The following GRM5 variants were observed in gnomAD, a reference collection of about 807,000 sequenced individuals.
GRM5 encodes glutamate metabotropic receptor 5, also known as metabotropic glutamate receptor 5.
GRM5 carries 19 observed loss-of-function variants against 83.1 expected under a neutral mutation model. The ratio of observed to expected loss-of-function variants is 0.23; its 90% CI spans 0.16 to 0.34. The LOEUF (loss-of-function observed/expected upper bound fraction) is 0.34. GRM5 is among the 10% of genes least tolerant of loss of function. The probability of loss-of-function intolerance (pLI) is 1.00; values close to 1 mark genes in which losing one functional copy is unlikely to be tolerated. For missense variants in GRM5, 1,160 were observed against 1,588.3 expected, an observed-to-expected ratio of 0.73 and a Z score of 4.58; for synonymous variants, 675 against 633.6, an observed-to-expected ratio of 1.07 and a Z score of -0.98.
At chr11:88,770,247 G>A (rs1194290960) in intron 3 of GRM5, among the ~76,000 whole-genome samples, 1 of 151,972 alleles carries the variant, frequency 6.6e-6, no homozygotes, top group East Asian at 1.9e-4. Context: ...ATGTAATATG[G>A]TATACTGGAT....
intron 3 of GRM5, among the ~76,000 whole-genome samples, chr11:88,834,151 G>C (rs569487115): frequency 1.3e-5 from 2 of 152,204 alleles, no homozygotes; most frequent in African/African-American, 2.4e-5. Flanking sequence ...ATAAATACGT[G>C]AGGTGATGGA....
chr11:88,529,043 C>T (rs181152349), intron 8 of GRM5, among the ~76,000 whole-genome samples: 6 of 152,102 alleles, frequency 3.9e-5, no homozygotes, highest in Admixed American at 3.9e-4. Flanking sequence ...CTTCTTGACC[C>T]CGTTTTGCAA....
chr11:88,738,247 C>T (rs1344030510), intron 3 of GRM5, among the ~76,000 whole-genome samples: 1 of 151,810 alleles, frequency 6.6e-6, no homozygotes, highest in African/African-American at 2.4e-5. Context: ...ACTTAAGAAA[C>T]ACATTTCAAC....
chr11:88,915,013 T>C (rs1945565334), intron 2 of GRM5, among the ~76,000 whole-genome samples: 1 of 152,156 alleles, frequency 6.6e-6, no homozygotes, highest in Admixed American at 6.6e-5. Flanking sequence ...AACAAGATTT[T>C]TAATGGTTTT....
chr11:88,614,113 C>A (rs721535), intron 4 of GRM5, among the ~76,000 whole-genome samples: 12 of 152,134 alleles, frequency 7.9e-5, no homozygotes, highest in Admixed American at 7.9e-4. Flanking sequence ...ACATGTTTTT[C>A]TGGCTGTTAT....
At chr11:88,556,445 C>A (rs1942629903) in intron 8 of GRM5, among the ~76,000 whole-genome samples, 1 of 151,796 alleles carries the variant, frequency 6.6e-6, no homozygotes, top group Non-Finnish European at 1.5e-5. Context: ...GCCTCAGTCT[C>A]CCAAGTAGCT....
At chr11:88,964,204 A>T (rs1938874713) in intron 2 of GRM5, among the ~76,000 whole-genome samples, 1 of 152,172 alleles carries the variant, frequency 6.6e-6, no homozygotes, top group Non-Finnish European at 1.5e-5. Context: ...TATGGCACCA[A>T]GTGTTTTTAA....
At position 88,862,441 on chromosome 11, in the gene GRM5, G is replaced by A. The variant is rs562238102; in HGVS notation, c.662-12286C>T. 9.9e-5 allele frequency among the ~76,000 whole-genome samples: 15 copies of A among 152,066 alleles called. No homozygotes were observed. In the East Asian group the frequency reaches 2.9e-3, roughly 29 times the overall value. On this transcript the variant is annotated intron_variant, in intron 2 of 9. Transcript: ENST00000305447. ...ATAAAAACATTATTTATGTTAACAT[G>A]CAGAGTAAATGAATAACAAACACTT...
intron 3 of GRM5, among the ~76,000 whole-genome samples, chr11:88,735,022 G>C (rs1223010022): frequency 6.6e-6 from 1 of 152,034 alleles, no homozygotes; most frequent in Admixed American, 6.6e-5. Context: ...TCATCTTATT[G>C]AGATTGCACA....
intron 8 of GRM5, among the ~76,000 whole-genome samples, chr11:88,548,613 C>G (rs1477262739): frequency 6.6e-6 from 1 of 152,134 alleles, no homozygotes; most frequent in Non-Finnish European, 1.5e-5. Flanking sequence ...AGCATTTCTT[C>G]CCTCAAAATA....
At chr11:88,844,022 T>G (rs1185178142) in intron 3 of GRM5, among the ~76,000 whole-genome samples, 3 of 152,320 alleles carry the variant, frequency 2.0e-5, no homozygotes, top group South Asian at 2.1e-4. Context: ...AGGTGCAGAC[T>G]GATAGAGAAG....
intron 2 of GRM5, among the ~76,000 whole-genome samples, chr11:89,032,584 C>T (rs1424572371): frequency 1.3e-5 from 2 of 152,004 alleles, no homozygotes; most frequent in African/African-American, 2.4e-5. Context: ...CAGGAACTAA[C>T]ATTTTTGAAC....
chr11:88,567,695 A>G lies in GRM5; in HGVS notation c.1988T>C (p.Val663Ala), dbSNP rs765187875. The G allele has an allele frequency of 6.2e-7, 1 of 1,614,148 alleles. No homozygotes were observed. Among genetic ancestry groups the G allele is most frequent in the South Asian group, 1.1e-5 (1 of 91,082 alleles). ...CCTTGCAATACGGTTGGTCTTTGTT[A>G]CAAGGGCTGAGTAGCTCATGGCTGG... ...LSPAMSYSAL[V>A]TKTNRIARIL... is the part of the protein sequence containing the mutation. Residue 663 changes from valine to alanine, a missense_variant, in exon 8 of 10, where the codon GTA becomes GCA. Val to Ala is a moderately conservative substitution (Grantham distance 64). Transcript: ENST00000305447. The surrounding 1 kb of genome is among the most constrained non-coding windows in gnomAD (Gnocchi z 7.3).
chr11:88,578,348 C>G (rs533570421), intron 7 of GRM5, among the ~76,000 whole-genome samples: 1 of 152,222 alleles, frequency 6.6e-6, no homozygotes, highest in East Asian at 1.9e-4. Flanking sequence ...CATAATGTTT[C>G]TTGTTCTAAG....
chr11:88,649,221 T>C (rs1240803126), intron 4 of GRM5, among the ~76,000 whole-genome samples: 2 of 139,456 alleles, frequency 1.4e-5, no homozygotes, highest in African/African-American at 2.7e-5. Flanking sequence ...TATACACATA[T>C]ATGTATATAT....
chr11:89,057,132 G>A (rs1180297200), intron 1 of GRM5, among the ~76,000 whole-genome samples: 1 of 152,056 alleles, frequency 6.6e-6, no homozygotes, highest in East Asian at 1.9e-4. Flanking sequence ...CTCCACACAA[G>A]CAAATCACAC....
intron 8 of GRM5, among the ~76,000 whole-genome samples, chr11:88,559,968 C>G (rs1942716785): frequency 6.6e-6 from 1 of 152,024 alleles, no homozygotes; most frequent in Admixed American, 6.6e-5. Context: ...GAATTGGTAT[C>G]TAAGATGAGT....
chr11:88,989,060 ACTGACAAATTGGATGAAGAG>A (rs1405942043), intron 2 of GRM5, among the ~76,000 whole-genome samples: 16 of 151,620 alleles, frequency 1.1e-4, no homozygotes, highest in African/African-American at 3.6e-4. Context: ...AAAGACACAG[ACTGACAAATTGGATGAAGAG>A]TCAAGACCCA....
intron 2 of GRM5, among the ~76,000 whole-genome samples, chr11:88,997,420 TGCAAA>T (rs1281314532): frequency 1.4e-5 from 2 of 147,554 alleles, no homozygotes; most frequent in Non-Finnish European, 1.5e-5. Flanking sequence ...GCAAAATAAA[TGCAAA>T]GCAAACAGAA....
Sources: allele counts gnomAD v4.1 joint callset (sites outside exome capture counted in the v4.1 genomes callset), GRCh38; gene constraint gnomAD v4.1.1; non-coding constraint Gnocchi (gnomAD v3.1); transcripts MANE v1.5; gene names NCBI Gene and HGNC (gene_info 2026-07-23, HGNC 2026-07-21).